Variants in ASIC5 observed in about 807,000 individuals in gnomAD.
ASIC5 encodes bile acid-sensitive ion channel.
Under a neutral mutation model 51.2 loss-of-function variants are expected in ASIC5, and 52 were observed. That is an observed-to-expected ratio of 1.02 (90% CI 0.81 to 1.28). ASIC5 has a LOEUF of 1.28. Among genes scored for constraint, ASIC5 ranks in the 50% most tolerant of loss-of-function variants. ASIC5 has a pLI of 0.00. For synonymous variants in ASIC5, 231 were observed against 200.7 expected, an observed-to-expected ratio of 1.15 and a Z score of -1.28; for missense variants, 635 against 595.0, an observed-to-expected ratio of 1.07 and a Z score of -0.70.
intron 8 of ASIC5, among the ~76,000 whole-genome samples, chr4:155,832,285 G>A (rs961437459): frequency 1.1e-4 from 16 of 152,196 alleles, no homozygotes; most frequent in African/African-American, 3.9e-4. Flanking sequence ...GTTTTTTTAA[G>A]TCATGGTTTC....
Position 155,845,355 on chromosome 4 carries a change from G to GGTT in ASIC5, c.712-1526_712-1525insAAC, listed in dbSNP as rs1553951873. Among the ~76,000 whole-genome samples the GGTT allele has an allele frequency of 3.4e-3, 489 of 144,866 alleles. 3 individuals are homozygous for GGTT. Among genetic ancestry groups the GGTT allele is most frequent in the African/African-American group, 0.012 (473 of 39,880 alleles). Reference sequence around the variant, plus strand: ...TTAAAAGGCCTTCAGGTTTTTGTGGGTTTTTTTTTTGTTTTTCTCTCCTAA... The same window carrying GGTT: ...TTAAAAGGCCTTCAGGTTTTTGTGGGGTTTTTTTTTTTTGTTTTTCTCTCCTAA... On this transcript the variant is annotated intron_variant, in intron 4 of 9. Coordinates refer to ENST00000537611, the MANE Select transcript of ASIC5 (RefSeq NM_017419.3).
Position 155,836,778 on chromosome 4 carries a change from G to C in ASIC5, c.1146C>G (p.Tyr382Ter). ...SCPVSCEEIE[Y>*]PATISYSSFP... Reference sequence around the variant, plus strand: ...AAGAGGAATAAGAAATAGTGGCCGGGTATTCTATTTCTTCACAAGAAACGG... The same window carrying C: ...AAGAGGAATAAGAAATAGTGGCCGGCTATTCTATTTCTTCACAAGAAACGG... Residue 382 changes from tyrosine (Y) to a stop codon, truncating the protein, a stop_gained, in exon 8 of 10, where the codon TAC becomes TAG. Coordinates refer to ENST00000537611, the MANE Select transcript of ASIC5 (RefSeq NM_017419.3). LOFTEE classifies it high-confidence loss of function. The C allele has an allele frequency of 6.2e-7, 1 of 1,606,218 alleles. No homozygotes were observed.
chr4:155,854,355 CTT>C (rs1034019184), intron 2 of ASIC5, 41 bp from the exon 3 acceptor site: 3 of 1,311,680 alleles, frequency 2.3e-6, no homozygotes, highest in African/African-American at 2.9e-5. Context: ...ATAATGAAAA[CTT>C]ATAATTATCT....
chr4:155,829,976 A>C lies in ASIC5; in HGVS notation c.1398T>G (p.Tyr466Ter). Residue 466 changes from tyrosine (Y) to a stop codon, truncating the protein, a stop_gained, in exon 10 of 10, where the codon TAT becomes TAG. Transcript: ENST00000537611. LOFTEE classifies it high-confidence loss of function. The part of the protein sequence containing the change: ...SLITIIEIIE[Y>*]LFTNFYWICI... ...ATATCCAGTAGAAATTGGTGAATAGATATTCAATAATTTCTATGATCGTGA... is the reference window on the plus strand; with the variant it reads ...ATATCCAGTAGAAATTGGTGAATAGCTATTCAATAATTTCTATGATCGTGA... 5.6e-6 allele frequency: 9 copies of C among 1,601,340 alleles called. No individual in the cohort carries two copies. The highest frequency in any genetic ancestry group is 7.7e-6 in the Non-Finnish European group (9 of 1,173,386).
intron 8 of ASIC5, among the ~76,000 whole-genome samples, chr4:155,834,482 C>G (rs537023925): frequency 1.9e-4 from 29 of 152,200 alleles, no homozygotes; most frequent in African/African-American, 5.8e-4. Flanking sequence ...TTGAACAACC[C>G]CTGAGTCCAG....
Position 155,831,911 on chromosome 4 carries a change from T to G in ASIC5, c.1240A>C (p.Asn414His). The change falls in exon 9 of 10, where the codon AAT becomes CAT. Residue 414 changes from asparagine to histidine, a missense_variant. Transcript: ENST00000537611. ...LNQSRKYIRE[N>H]LVKIEINYSD... is the part of the protein sequence containing the mutation. ...TAGTTAATTTCAATTTTTACAAGATTCTCCCTAGGGATAAAAAAGAGAGTT... is the reference window on the plus strand; with the variant it reads ...TAGTTAATTTCAATTTTTACAAGATGCTCCCTAGGGATAAAAAAGAGAGTT... 1 of 1,530,600 alleles carries G rather than the reference T, an allele frequency of 6.5e-7. No individual in the cohort carries two copies. The highest frequency in any genetic ancestry group is 9.0e-7 in the Non-Finnish European group (1 of 1,107,358). The allele number at this position is 1,530,600 out of a possible 1,614,324, so 94.8% of individuals were successfully genotyped here. A position where few individuals can be genotyped will look rare whatever the true frequency, so the allele number is the denominator to read the frequency against.
At chr4:155,834,781 A>G (rs1279448039) in intron 8 of ASIC5, among the ~76,000 whole-genome samples, 1 of 152,008 alleles carries the variant, frequency 6.6e-6, no homozygotes, top group East Asian at 1.9e-4. Flanking sequence ...TCCATATGAA[A>G]CCCAAACCCC....
At chr4:155,831,494 G>A (rs555748461) in intron 9 of ASIC5, among the ~76,000 whole-genome samples, 11 of 152,206 alleles carry the variant, frequency 7.2e-5, no homozygotes, top group African/African-American at 2.2e-4. Flanking sequence ...CAATTAGGCC[G>A]GGCATGGTGG....
chr4:155,851,344 A>G (rs1741378155), intron 4 of ASIC5, among the ~76,000 whole-genome samples: 1 of 152,044 alleles, frequency 6.6e-6, no homozygotes, highest in African/African-American at 2.4e-5. Flanking sequence ...GGAAGCTATG[A>G]AGAGTACATT....
chr4:155,863,981 C>T (rs576442494), intron 1 of ASIC5, among the ~76,000 whole-genome samples: 8 of 152,240 alleles, frequency 5.3e-5, no homozygotes, highest in South Asian at 2.1e-4. Flanking sequence ...ATTCATAGAA[C>T]GGCTATTATT....
At position 155,863,451 on chromosome 4, in the gene ASIC5, T is replaced by C; in HGVS notation, c.344A>G (p.Asn115Ser). 6.2e-7 allele frequency: 1 copy of C among 1,609,744 alleles called. No homozygotes were observed. Among genetic ancestry groups the C allele is most frequent in the Non-Finnish European group, 8.5e-7 (1 of 1,177,000 alleles). ...EFPAVTFCNLNRFQTDAVAKF... is the reference protein window; with the variant it reads ...EFPAVTFCNLSRFQTDAVAKF... ...TTTTTAAAAAAGTAATTTTTACCTG[T>C]TCAAATTACAAAATGTCACAGCTGG... Residue 115 changes from asparagine (N) to serine (S), a missense_variant, in exon 2 of 10, where the codon AAC (asparagine) becomes AGC (serine). Transcript: ENST00000537611.
chr4:155,842,460 G>A, intron 5 of ASIC5, 106 bp from the exon 6 acceptor site: 1 of 1,169,062 alleles, frequency 8.6e-7, no homozygotes, highest in Non-Finnish European at 1.2e-6. Context: ...AGAGCTCTTT[G>A]ATTTTCAAAA....
chr4:155,838,369 A>T (rs1159275425), intron 7 of ASIC5, among the ~76,000 whole-genome samples: 1 of 152,216 alleles, frequency 6.6e-6, no homozygotes, highest in Non-Finnish European at 1.5e-5. Context: ...ATGTACAGTT[A>T]TAATTCCATT....
chr4:155,859,055 G>T (rs1741623256), intron 2 of ASIC5, among the ~76,000 whole-genome samples: 1 of 151,808 alleles, frequency 6.6e-6, no homozygotes, highest in Non-Finnish European at 1.5e-5. Context: ...TGTAAGAGAG[G>T]GCCCCTGAGA....
At chr4:155,836,445 T>A (rs1165011421) in intron 8 of ASIC5, among the ~76,000 whole-genome samples, 1 of 152,212 alleles carries the variant, frequency 6.6e-6, no homozygotes, top group East Asian at 1.9e-4. Context: ...GGGCAATAAA[T>A]GTTTGATCAT....
chr4:155,839,087 C>T (rs1426815538), intron 6 of ASIC5, among the ~76,000 whole-genome samples: 3 of 152,060 alleles, frequency 2.0e-5, no homozygotes, highest in Non-Finnish European at 2.9e-5. Flanking sequence ...TTGTTTCTTT[C>T]CATACCTCTT....
chr4:155,865,228 CTAAAATCTTAGAA>C (rs1168943403), intron 1 of ASIC5: 3 of 151,758 alleles, frequency 2.0e-5, no homozygotes, highest in Admixed American at 6.6e-5. Flanking sequence ...TGAAGTTGGA[CTAAAATCTTAGAA>C]TAGCACCGTT....
chr4:155,835,258 C>A (rs1740950847), intron 8 of ASIC5, among the ~76,000 whole-genome samples: 1 of 152,076 alleles, frequency 6.6e-6, no homozygotes, highest in African/African-American at 2.4e-5. Context: ...GGTAGGAGCC[C>A]AAAGCGCTCC....
intron 8 of ASIC5, among the ~76,000 whole-genome samples, chr4:155,834,132 C>T (rs1446512558): frequency 1.3e-5 from 2 of 152,098 alleles, no homozygotes; most frequent in Non-Finnish European, 2.9e-5. Context: ...GTTGGCCTAA[C>T]GTCAGACACA....
Sources: gnomAD v4.1 joint callset for allele counts (sites outside exome capture counted in the v4.1 genomes callset) on GRCh38, gnomAD v4.1.1 for gene constraint, MANE v1.5 for transcripts, NCBI Gene and HGNC (gene_info 2026-07-23, HGNC 2026-07-21) for gene names.